Variants in PPOX observed in about 807,000 individuals in gnomAD.
The protein encoded by PPOX is variegate porphyria.
PPOX carries 23 observed loss-of-function variants against 54.1 expected under a neutral mutation model. That is an observed-to-expected ratio of 0.43 (90% CI 0.31 to 0.60). PPOX has a LOEUF of 0.60. Among genes scored for constraint, PPOX ranks in the 20% least tolerant of loss-of-function variants. The pLI is 0.13. For synonymous variants in PPOX, 224 were observed against 236.1 expected, an observed-to-expected ratio of 0.95 and a Z score of 0.47; for missense variants, 512 against 601.1, an observed-to-expected ratio of 0.85 and a Z score of 1.55.
At chr1:161,171,872 C>T (rs1661564536), downstream of PPOX, 2 of 1,614,202 alleles carry the variant, frequency 1.2e-6, no homozygotes, top group Non-Finnish European at 1.7e-6. Context: ...CCAGGCCTGG[C>T]TGGGGGCCGG....
chr1:161,175,112 G>A (rs1362079122), downstream of PPOX: 5 of 1,613,856 alleles, frequency 3.1e-6, no homozygotes, highest in Admixed American at 1.7e-5. Context: ...ATGGCTGTTC[G>A]GGAGCGGGGC....
At chr1:161,172,385 A>G, downstream of PPOX, 1 of 1,504,316 alleles carries the variant, frequency 6.6e-7, no homozygotes, top group Non-Finnish European at 9.1e-7. Context: ...AAAGCAAGGA[A>G]GGGATTAAAT....
chr1:161,175,132 GC>G (rs1449835522), downstream of PPOX: 4 of 1,613,924 alleles, frequency 2.5e-6, no homozygotes, highest in Non-Finnish European at 3.4e-6. Context: ...CTCACAACCT[GC>G]AGGGCGGTAC....
chr1:161,176,163 G>A (rs1663436922), downstream of PPOX: 2 of 1,403,406 alleles, frequency 1.4e-6, no homozygotes, highest in African/African-American at 2.9e-5. Flanking sequence ...GTGATGCCAG[G>A]GGTAAAGAGG....
intron 11 of PPOX, 61 bp downstream of exon 11, chr1:161,170,830 CATTTGTCACTGT>C: frequency 6.2e-7 from 1 of 1,613,560 alleles, no homozygotes; most frequent in Non-Finnish European, 8.5e-7. Flanking sequence ...GAGACTGGAA[CATTTGTCACTGT>C]ATGTCAGCCA....
chr1:161,175,843 C>G (rs550664682), downstream of PPOX: 3 of 1,614,134 alleles, frequency 1.9e-6, no homozygotes, highest in African/African-American at 2.7e-5. Context: ...GTAGGGCAGA[C>G]CTTGAGGAGC....
chr1:161,167,815 G>A (rs1659664613), intron 4 of PPOX, 180 bp from the exon 5 acceptor site: 1 of 992,188 alleles, frequency 1.0e-6, no homozygotes, highest in Non-Finnish European at 1.5e-6. Flanking sequence ...CGCCCGCCTC[G>A]GCCTGCCAAA....
downstream of PPOX, chr1:161,171,979 G>A (rs950219674): frequency 2.5e-6 from 4 of 1,614,060 alleles, no homozygotes; most frequent in Admixed American, 1.7e-5. Context: ...CCCAATGTCT[G>A]CTGTGATGTT....
chr1:161,172,821 A>G (rs1661946620), downstream of PPOX, among the ~76,000 whole-genome samples: 2 of 150,214 alleles, frequency 1.3e-5, no homozygotes, highest in African/African-American at 4.9e-5. Flanking sequence ...TGAGGCCAGG[A>G]GTTCAAGACC....
At chr1:161,175,829 G>T (rs755304332), downstream of PPOX, 6 of 1,613,990 alleles carry the variant, frequency 3.7e-6, no homozygotes, top group African/African-American at 8.0e-5. Flanking sequence ...GATCGTTCTG[G>T]ACAGTAGGGC....
Position 161,170,009 on chromosome 1 carries a change from C to T in PPOX, c.972C>T (p.Ala324=). The part of the protein sequence containing the change: ...VAVVNLQYQG[A]HLPVQGFGHL... ...TGGTGAATCTGCAGTACCAAGGAGC[C>T]CATCTGCCTGTCCAGGTATGATAAA... is the stretch of plus-strand genomic sequence containing the variant. The change falls in exon 9 of 13, where the codon GCC becomes GCT. Residue 324 remains alanine, a synonymous_variant. Transcript: ENST00000367999. 2 of 1,613,714 alleles carry T rather than the reference C, an allele frequency of 1.2e-6. No homozygotes were observed. Among genetic ancestry groups the T allele is most frequent in the Non-Finnish European group, 8.5e-7 (1 of 1,179,866 alleles).
chr1:161,176,209 C>A (rs914967204), downstream of PPOX: 3 of 936,654 alleles, frequency 3.2e-6, no homozygotes, highest in East Asian at 5.3e-5. Flanking sequence ...AGGGAGCACA[C>A]AGGTGCACAG....
At position 161,167,222 on chromosome 1, in the gene PPOX, G is replaced by A. The variant is rs1003731668; in HGVS notation, c.210G>A (p.Arg70=). ...GGCCAGCGGGAGCCCTAGGGGCCCG[G>A]ACCTTGCTCCTGGTGAGAGGCTTGT... ...GIRPAGALGA[R]TLLLVSELGL... Residue 70 remains arginine, a synonymous_variant, in exon 3 of 13, where the codon CGG becomes CGA. Coordinates refer to ENST00000367999, the MANE Select transcript of PPOX (RefSeq NM_001122764.3). The A allele has an allele frequency of 6.2e-7, 1 of 1,614,184 alleles. No individual in the cohort carries two copies. The highest frequency in any genetic ancestry group is 1.1e-5 in the South Asian group (1 of 91,086).
In PPOX at chr1:161,166,535, C is replaced by G; in HGVS notation, c.-146C>G. On this transcript the variant is annotated 5_prime_UTR_variant, in exon 1 of 13. Coordinates refer to ENST00000367999, the MANE Select transcript of PPOX (RefSeq NM_001122764.3). Reference sequence around the variant, plus strand: ...CAGAGCACCTCAGAACTCAGGCGTACTGCCCGCCGCCCGAGCCCTGCGAGG... The same window carrying G: ...CAGAGCACCTCAGAACTCAGGCGTAGTGCCCGCCGCCCGAGCCCTGCGAGG... 7.3e-7 allele frequency: 1 copy of G among 1,369,306 alleles called. No individual in the cohort carries two copies. The highest frequency in any genetic ancestry group is 9.5e-7 in the Non-Finnish European group (1 of 1,057,816). The allele number at this position is 1,369,306 out of a possible 1,614,324, so 84.8% of individuals were successfully genotyped here.
At chr1:161,175,234 G>A (rs1435844224), downstream of PPOX, 1 of 1,610,116 alleles carries the variant, frequency 6.2e-7, no homozygotes, top group Non-Finnish European at 8.5e-7. Context: ...ACCCACTGTT[G>A]GGAAGGAATG....
chr1:161,172,433 G>T, downstream of PPOX: 1 of 1,025,254 alleles, frequency 9.8e-7, no homozygotes, highest in Non-Finnish European at 1.4e-6. Flanking sequence ...TTACTTAGTA[G>T]GCAAAAGAAA....
At chr1:161,175,109 T>C, downstream of PPOX, 1 of 1,613,940 alleles carries the variant, frequency 6.2e-7, no homozygotes, top group Non-Finnish European at 8.5e-7. Flanking sequence ...ATGATGGCTG[T>C]TCGGGAGCGG....
downstream of PPOX, chr1:161,177,222 A>T: frequency 1.4e-6 from 1 of 710,962 alleles, no homozygotes; most frequent in East Asian, 2.7e-5. Context: ...GCTCTTTCGG[A>T]GCACGCCCAT....
downstream of PPOX, chr1:161,173,509 C>G (rs922188192): frequency 1.9e-6 from 3 of 1,565,164 alleles, no homozygotes; most frequent in Non-Finnish European, 2.6e-6. Context: ...GACCAGGGAG[C>G]TAAAGGTTAG....
Sources: allele counts gnomAD v4.1 joint callset (sites outside exome capture counted in the v4.1 genomes callset), GRCh38; gene constraint gnomAD v4.1.1; transcripts MANE v1.5; gene names NCBI Gene and HGNC (gene_info 2026-07-23, HGNC 2026-07-21).